Variants in TMTC1 observed in about 807,000 individuals in gnomAD.
TMTC1 encodes the protein protein O-mannosyl-transferase TMTC1.
A neutral mutation model predicts 104.8 loss-of-function variants in TMTC1; 73 were observed. The ratio of observed to expected loss-of-function variants is 0.70; its 90% CI spans 0.58 to 0.85. The LOEUF is 0.85. TMTC1 is among the 40% of genes least tolerant of loss of function. TMTC1 has a pLI of 0.00. For missense variants in TMTC1, 1,035 were observed against 1,096.1 expected (o/e 0.94, Z 0.79); for synonymous variants, 434 against 428.7 (o/e 1.01, Z -0.15).
intron 7 of TMTC1, among the ~76,000 whole-genome samples, chr12:29,601,551 C>CT (rs1423142174): frequency 6.6e-6 from 1 of 151,232 alleles, no homozygotes; most frequent in Non-Finnish European, 1.5e-5. Flanking sequence ...AGATTTTCTT[C>CT]TTATTTTGTA....
At chr12:29,584,697 T>C (rs1025304874) in intron 7 of TMTC1, among the ~76,000 whole-genome samples, 1 of 152,076 alleles carries the variant, frequency 6.6e-6, no homozygotes, top group African/African-American at 2.4e-5. Flanking sequence ...GTGTTTGGTT[T>C]TTTGTCCTTC....
intron 7 of TMTC1, among the ~76,000 whole-genome samples, chr12:29,595,532 C>A (rs1376727466): frequency 1.3e-5 from 2 of 152,212 alleles, no homozygotes; most frequent in East Asian, 1.9e-4. Context: ...GACCACCAGT[C>A]TGGTGCAGTC....
At chr12:29,709,802 G>A (rs1005962709) in intron 5 of TMTC1, among the ~76,000 whole-genome samples, 1 of 152,126 alleles carries the variant, frequency 6.6e-6, no homozygotes, top group Non-Finnish European at 1.5e-5. Flanking sequence ...GTTTTAAAAG[G>A]CTTTTAATAA....
chr12:29,594,145 C>G (rs1468519181), intron 7 of TMTC1, among the ~76,000 whole-genome samples: 2 of 152,178 alleles, frequency 1.3e-5, no homozygotes, highest in African/African-American at 4.8e-5. Context: ...TCCATCAAGG[C>G]TTGGAAGACC....
At position 29,531,975 on chromosome 12, in the gene TMTC1, A is replaced by G. The variant is rs71453743; in HGVS notation, c.1785+4234T>C. Among the ~76,000 whole-genome samples the G allele has an allele frequency of 9.6e-3, 1,455 of 152,210 alleles. 16 individuals carry two copies. The highest frequency in any genetic ancestry group is 0.038 in the South Asian group (181 of 4,812). On this transcript the variant is annotated intron_variant, in intron 11 of 17. Coordinates refer to ENST00000539277, the MANE Select transcript of TMTC1 (RefSeq NM_001193451.2). Reference sequence around the variant, plus strand: ...GGAGCTTGGAGACCAGGTTTTAGTCAAGGTCCTGCTGCAAGTTAGTGAATC... The same window carrying G: ...GGAGCTTGGAGACCAGGTTTTAGTCGAGGTCCTGCTGCAAGTTAGTGAATC...
intron 7 of TMTC1, among the ~76,000 whole-genome samples, chr12:29,602,585 A>G (rs1027674330): frequency 1.3e-5 from 2 of 152,212 alleles, no homozygotes; most frequent in Middle Eastern, 3.2e-3. Flanking sequence ...CTTCAGGGGC[A>G]GGCTGTGACC....
At position 29,506,868 on chromosome 12, in the gene TMTC1, A is replaced by G; in HGVS notation, c.2627T>C (p.Val876Ala). ...LDRLEKRLQE[V>A]REKDQT ...GTGCTATGTTTGATCCTTTTCTCGA[A>G]CTTCTTGTAATCGTTTTTCTAGGCG... The change falls in exon 18 of 18, where the codon GTT (valine) becomes GCT (alanine). Residue 876 changes from valine (V) to alanine (A), a missense_variant. Physicochemically the swap from Val to Ala is moderately conservative, Grantham distance 64 (BLOSUM62 0). Transcript: ENST00000539277. 1 of 1,613,964 alleles carries G rather than the reference A, an allele frequency of 6.2e-7. No homozygotes were observed. The highest frequency in any genetic ancestry group is 8.5e-7 in the Non-Finnish European group (1 of 1,179,940).
At chr12:29,665,091 T>C (rs1243697074) in intron 5 of TMTC1, among the ~76,000 whole-genome samples, 1 of 152,168 alleles carries the variant, frequency 6.6e-6, no homozygotes, top group East Asian at 1.9e-4. Context: ...TCCTTGGATG[T>C]TCTCACCAAC....
intron 7 of TMTC1, among the ~76,000 whole-genome samples, chr12:29,588,892 T>G (rs1275461604): frequency 1.3e-5 from 2 of 150,286 alleles, no homozygotes; most frequent in Non-Finnish European, 2.9e-5. Flanking sequence ...AGTCTTGTGA[T>G]AGTGTTAGGT....
chr12:29,676,625 C>T (rs983631461), intron 5 of TMTC1, among the ~76,000 whole-genome samples: 4 of 152,292 alleles, frequency 2.6e-5, no homozygotes, highest in South Asian at 2.1e-4. Context: ...TGCCTTCAAA[C>T]GAAAGGTCAC....
intron 5 of TMTC1, among the ~76,000 whole-genome samples, chr12:29,668,610 G>A (rs1179549109): frequency 1.3e-5 from 2 of 151,924 alleles, no homozygotes; most frequent in African/African-American, 4.8e-5. Flanking sequence ...ACAGGCACAT[G>A]CCACCATGCC....
chr12:29,665,300 T>C (rs1591891612), intron 5 of TMTC1, among the ~76,000 whole-genome samples: 1 of 152,202 alleles, frequency 6.6e-6, no homozygotes, highest in Non-Finnish European at 1.5e-5. Context: ...GTTATTGGCA[T>C]TGTAAAACAG....
intron 5 of TMTC1, among the ~76,000 whole-genome samples, chr12:29,637,976 C>T (rs8181617): frequency 1.3e-5 from 2 of 152,186 alleles, no homozygotes; most frequent in African/African-American, 4.8e-5. Context: ...CTTAGGAAGG[C>T]CATTTGCCAC....
intron 11 of TMTC1, among the ~76,000 whole-genome samples, chr12:29,530,916 C>T (rs1018218203): frequency 4.6e-5 from 7 of 152,292 alleles, no homozygotes; most frequent in Admixed American, 6.5e-5. Flanking sequence ...TTATATCTAT[C>T]GGTCCTTTAG....
chr12:29,681,680 C>G (rs1054876672), intron 5 of TMTC1, among the ~76,000 whole-genome samples: 1 of 150,568 alleles, frequency 6.6e-6, no homozygotes, highest in Non-Finnish European at 1.5e-5. Context: ...CCCACCCCCA[C>G]AAAAATAAAG....
chr12:29,777,669 C>A (rs1943743336), intron 1 of TMTC1, among the ~76,000 whole-genome samples: 1 of 152,062 alleles, frequency 6.6e-6, no homozygotes, highest in African/African-American at 2.4e-5. Flanking sequence ...TTGGAGCTTC[C>A]AAGATAACCT....
At chr12:29,629,419 T>C (rs1591827715) in intron 6 of TMTC1, among the ~76,000 whole-genome samples, 1 of 152,154 alleles carries the variant, frequency 6.6e-6, no homozygotes, top group Non-Finnish European at 1.5e-5. Context: ...TTTACATGTA[T>C]GATTGATGTC....
At chr12:29,639,323 T>G (rs572612460) in intron 5 of TMTC1, among the ~76,000 whole-genome samples, 1 of 152,188 alleles carries the variant, frequency 6.6e-6, no homozygotes, top group African/African-American at 2.4e-5. Context: ...TTTAAGTAGG[T>G]GGAGAGATGG....
intron 10 of TMTC1, among the ~76,000 whole-genome samples, chr12:29,541,486 T>C (rs897549770): frequency 3.9e-5 from 6 of 152,206 alleles, no homozygotes; most frequent in Admixed American, 3.9e-4. Context: ...AAATCACCCA[T>C]TGAAACCTAT....
Sources: allele counts gnomAD v4.1 joint callset (sites outside exome capture counted in the v4.1 genomes callset), GRCh38; gene constraint gnomAD v4.1.1; transcripts MANE v1.5; gene names NCBI Gene and HGNC (gene_info 2026-07-23, HGNC 2026-07-21).